The following SIAH1 variants were observed in gnomAD, a reference collection of about 807,000 sequenced individuals.
SIAH1 encodes E3 ubiquitin-protein ligase SIAH1.
SIAH1 carries 2 observed loss-of-function variants against 20.0 expected under a neutral mutation model. That is an observed-to-expected ratio of 0.10 (90% CI 0.04 to 0.31). SIAH1 has a LOEUF of 0.31. Ranked by LOEUF, SIAH1 falls within the 10% of genes least tolerant of loss-of-function variation. The pLI, the probability that SIAH1 is intolerant of heterozygous loss-of-function variation, is 1.00. For missense variants in SIAH1, 119 were observed against 355.3 expected (o/e 0.33, Z 5.35); for synonymous variants, 118 against 125.3 (o/e 0.94, Z 0.39).
At chr16:48,384,141 T>C (rs559336178) in intron 1 of SIAH1, among the ~76,000 whole-genome samples, 19 of 152,284 alleles carry the variant, frequency 1.2e-4, no homozygotes, top group African/African-American at 4.6e-4. Context: ...ATCCAACTGC[T>C]GAAGAGTTAA....
upstream of SIAH1, among the ~76,000 whole-genome samples, chr16:48,386,410 G>A (rs1961468823): frequency 6.6e-6 from 1 of 152,160 alleles, no homozygotes; most frequent in Admixed American, 6.6e-5. Flanking sequence ...GGAGGCTGAG[G>A]CAGGAGAATC....
At position 48,361,961 on chromosome 16, in the gene SIAH1, T is replaced by C; in HGVS notation, c.468A>G (p.Thr156=). The C allele has an allele frequency of 6.2e-7, 1 of 1,614,216 alleles. No individual in the cohort carries two copies. The highest frequency in any genetic ancestry group is 1.1e-5 in the South Asian group (1 of 91,074). The change falls in exon 2 of 2, where the codon ACA becomes ACG. Residue 156 remains threonine, a synonymous_variant. Coordinates refer to ENST00000394725, the MANE Select transcript of SIAH1 (RefSeq NM_003031.4). ...PHLMHQHKSI[T]TLQGEDIVFL... ...AAACTATATCCTCTCCCTGTAGGGT[T>C]GTAATGGACTTATGCTGATGCATCA...
chr16:48,385,809 G>A (rs1597038078), upstream of SIAH1, among the ~76,000 whole-genome samples: 1 of 152,154 alleles, frequency 6.6e-6, no homozygotes. Context: ...GGCCGCCGCC[G>A]CGGCCTTGTG....
At chr16:48,384,723 G>A (rs1326674073) in intron 1 of SIAH1, among the ~76,000 whole-genome samples, 1 of 151,470 alleles carries the variant, frequency 6.6e-6, no homozygotes, top group Non-Finnish European at 1.5e-5. Flanking sequence ...GGGCGCCGCG[G>A]GGAGGAGGGG....
At chr16:48,379,322 A>G (rs1961196831) in intron 1 of SIAH1, among the ~76,000 whole-genome samples, 1 of 152,238 alleles carries the variant, frequency 6.6e-6, no homozygotes, top group Non-Finnish European at 1.5e-5. Context: ...AGAGAGGTTC[A>G]GTAATCTACC....
At chr16:48,377,239 C>T (rs1037553018) in intron 1 of SIAH1, among the ~76,000 whole-genome samples, 4 of 151,888 alleles carry the variant, frequency 2.6e-5, no homozygotes, top group Non-Finnish European at 4.4e-5. Flanking sequence ...AAAACAAAAA[C>T]GAATAAGCAA....
intron 1 of SIAH1, among the ~76,000 whole-genome samples, chr16:48,370,105 C>A (rs1031961856): frequency 1.3e-5 from 2 of 152,162 alleles, no homozygotes; most frequent in Non-Finnish European, 2.9e-5. Context: ...CATTCTCAAC[C>A]CTTTGCAGAT....
At chr16:48,381,352 G>A (rs1961287808) in intron 1 of SIAH1, among the ~76,000 whole-genome samples, 1 of 152,100 alleles carries the variant, frequency 6.6e-6, no homozygotes, top group South Asian at 2.1e-4. Context: ...CAAAAAAACA[G>A]CAGCAAAACA....
intron 1 of SIAH1, chr16:48,365,572 C>T: frequency 6.6e-7 from 1 of 1,513,310 alleles, no homozygotes; most frequent in Non-Finnish European, 8.8e-7. Flanking sequence ...GACCCAAATT[C>T]GCGTCTGAGG....
Position 48,371,788 on chromosome 16 carries a change from T to G in SIAH1, c.-2-9358A>C, listed in dbSNP as rs146421340. 6.1e-3 allele frequency among the ~76,000 whole-genome samples: 925 copies of G among 152,374 alleles called. 11 individuals are homozygous for G. Among genetic ancestry groups the G allele is most frequent in the African/African-American group, 0.022 (896 of 41,586 alleles). On this transcript the variant is annotated intron_variant, in intron 1 of 1. Transcript: ENST00000394725. ...AACATTCAAATACTATTTACCTAGT[T>G]ATCTGAATACAGCCATTTACTACCT...
Position 48,361,687 on chromosome 16 carries a change from C to T in SIAH1, c.742G>A (p.Ala248Thr), listed in dbSNP as rs768043201. 6.2e-7 allele frequency: 1 copy of T among 1,613,604 alleles called. No individual in the cohort carries two copies. Among genetic ancestry groups the T allele is most frequent in the Non-Finnish European group, 8.5e-7 (1 of 1,179,522 alleles). ...CAGTCGCTATTCATAATGGCTGTTG[C>T]AATTCCTTCATGAATAGATCGAGGA... is the stretch of plus-strand genomic sequence containing the variant. ...ATPRSIHEGI[A>T]TAIMNSDCLV... The change falls in exon 2 of 2, where the codon GCA (alanine) becomes ACA (threonine). Residue 248 changes from alanine (A) to threonine (T), a missense_variant. Physicochemically the swap from Ala to Thr is moderately conservative, Grantham distance 58. Around this residue, in one of 2 missense-constraint regions of SIAH1, gnomAD observed 84 missense variants for 307.8 expected, o/e 0.27. Transcript: ENST00000394725.
intron 1 of SIAH1, chr16:48,365,754 C>G (rs1030106235): frequency 5.9e-6 from 8 of 1,356,676 alleles, no homozygotes; most frequent in Non-Finnish European, 7.6e-6. Context: ...AAGCTTTCGT[C>G]TGTCTCCCAA....
chr16:48,378,622 TA>T (rs1325530260), intron 1 of SIAH1, among the ~76,000 whole-genome samples: 1 of 152,196 alleles, frequency 6.6e-6, no homozygotes, highest in Admixed American at 6.5e-5. Context: ...ATTTAGAAAA[TA>T]AAAGTCCTAA....
At chr16:48,382,412 G>A (rs1378418052) in intron 1 of SIAH1, among the ~76,000 whole-genome samples, 1 of 151,990 alleles carries the variant, frequency 6.6e-6, no homozygotes, top group African/African-American at 2.4e-5. Flanking sequence ...ATAAAGATCT[G>A]AATGTCATTA....
intron 1 of SIAH1, among the ~76,000 whole-genome samples, chr16:48,364,668 G>T (rs1186724759): frequency 1.3e-5 from 2 of 152,190 alleles, no homozygotes; most frequent in Non-Finnish European, 2.9e-5. Context: ...TATGTCACTT[G>T]TAAAACAGTG....
At chr16:48,365,554 G>A in intron 1 of SIAH1, 2 of 1,546,044 alleles carry the variant, frequency 1.3e-6, no homozygotes, top group Non-Finnish European at 1.7e-6. Flanking sequence ...CTGCTCCTAA[G>A]CACAGAAGAC....
chr16:48,380,441 ACT>A (rs1271227209), intron 1 of SIAH1, among the ~76,000 whole-genome samples: 1 of 151,680 alleles, frequency 6.6e-6, no homozygotes, highest in Non-Finnish European at 1.5e-5. Context: ...CAAGAGTAAG[ACT>A]CTGTCTCCAA....
upstream of SIAH1, among the ~76,000 whole-genome samples, chr16:48,386,022 G>A (rs1361596557): frequency 1.3e-5 from 2 of 152,164 alleles, no homozygotes; most frequent in Non-Finnish European, 2.9e-5. Flanking sequence ...CTGAAAAGTG[G>A]GTAATGGGGA....
intron 1 of SIAH1, among the ~76,000 whole-genome samples, chr16:48,380,198 T>A (rs1961236216): frequency 6.6e-6 from 1 of 152,084 alleles, no homozygotes; most frequent in South Asian, 2.1e-4. Context: ...TCCCAGCACT[T>A]TGGGAGGCTG....
Sources: allele counts gnomAD v4.1 joint callset (sites outside exome capture counted in the v4.1 genomes callset), GRCh38; gene constraint gnomAD v4.1.1; regional missense constraint gnomAD v4.1.1; transcripts MANE v1.5; gene names NCBI Gene and HGNC (gene_info 2026-07-23, HGNC 2026-07-21).